The following TSHZ1 variants were observed in gnomAD, a reference collection of about 807,000 sequenced individuals.
TSHZ1 encodes teashirt homolog 1.
Under a neutral mutation model 67.1 loss-of-function variants are expected in TSHZ1, and 12 were observed. The ratio of observed to expected loss-of-function variants is 0.18; its 90% CI spans 0.11 to 0.29. The LOEUF is 0.29. Among genes scored for constraint, TSHZ1 ranks in the 10% least tolerant of loss-of-function variants. TSHZ1 has a pLI of 1.00. For missense variants in TSHZ1, 1,305 were observed against 1,413.9 expected, an observed-to-expected ratio of 0.92 and a Z score of 1.23; for synonymous variants, 632 against 622.4, an observed-to-expected ratio of 1.02 and a Z score of -0.23.
rs528039350 is a variant in TSHZ1 at position 75,248,944 on chromosome 18, C to A, written c.41-36504C>A. ...GTCACCCACCAGCAGCAGTACCAGG[C>A]GAGCCACCTCCGCGTGGGAGGAGGC... On this transcript the variant is annotated intron_variant, in intron 1 of 1. Transcript: ENST00000580243. Among the ~76,000 whole-genome samples the A allele has an allele frequency of 2.6e-5, 4 of 152,296 alleles. No individual in the cohort carries two copies. The South Asian group carries it at 8.3e-4, about 32-fold the overall frequency.
In TSHZ1 at chr18:75,288,675, A is replaced by T; in HGVS notation, c.*34A>T. 1 of 1,537,480 alleles carries T rather than the reference A, an allele frequency of 6.5e-7. No individual in the cohort carries two copies. Among genetic ancestry groups the T allele is most frequent in the South Asian group, 1.3e-5 (1 of 77,414 alleles). On this transcript the variant is annotated 3_prime_UTR_variant, in exon 2 of 2. Transcript: ENST00000580243. This position sits in a 1 kb window ranked among gnomAD's most constrained non-coding sequence, Gnocchi z 4.9. Reference sequence around the variant, plus strand: ...TATGCAAGAGACCGCGGAACATTGCACTAAACGTCGTCGAGCTGCACTAGG... The same window carrying T: ...TATGCAAGAGACCGCGGAACATTGCTCTAAACGTCGTCGAGCTGCACTAGG...
Position 75,288,818 on chromosome 18 carries a change from A to G in TSHZ1, c.*177A>G. On this transcript the variant is annotated 3_prime_UTR_variant, in exon 2 of 2. Transcript: ENST00000580243. This position sits in a 1 kb window ranked among gnomAD's most constrained non-coding sequence, Gnocchi z 4.9. ...GCTCTCTGTCCGATCTGTGCATGTT[A>G]TTTTTCTTTTTCCGTGAGTCAAAGT... The G allele has an allele frequency of 1.9e-6, 2 of 1,066,520 alleles. No homozygotes were observed. The highest frequency in any genetic ancestry group is 2.5e-6 in the Non-Finnish European group (2 of 797,206). The allele number at this position is 1,066,520 out of a possible 1,614,324, so 66.1% of individuals were successfully genotyped here.
chr18:75,279,481 C>T (rs1394422627), intron 1 of TSHZ1, among the ~76,000 whole-genome samples: 1 of 152,150 alleles, frequency 6.6e-6, no homozygotes, highest in Non-Finnish European at 1.5e-5. Flanking sequence ...GAGCCGCCGG[C>T]CCTCCTGTTT....
At chr18:75,240,973 G>A (rs1165202960) in intron 1 of TSHZ1, among the ~76,000 whole-genome samples, 2 of 152,196 alleles carry the variant, frequency 1.3e-5, no homozygotes, top group African/African-American at 2.4e-5. Context: ...TAGGAAGATG[G>A]AATCCACCTG....
intron 1 of TSHZ1, among the ~76,000 whole-genome samples, chr18:75,212,623 C>T (rs1471885083): frequency 6.6e-6 from 1 of 152,176 alleles, no homozygotes; most frequent in South Asian, 2.1e-4. Context: ...TCTATTCATT[C>T]CTGATAAACA....
chr18:75,255,223 CTG>C (rs1298474126), intron 1 of TSHZ1, among the ~76,000 whole-genome samples: 1 of 152,110 alleles, frequency 6.6e-6, no homozygotes, highest in Admixed American at 6.5e-5. Context: ...ATGACGCTCA[CTG>C]TGTTGTTTCA....
chr18:75,212,616 A>G (rs1035127680), intron 1 of TSHZ1, among the ~76,000 whole-genome samples: 4 of 152,166 alleles, frequency 2.6e-5, no homozygotes, highest in African/African-American at 4.8e-5. Context: ...CCTTTGATCT[A>G]TTCATTCCTG....
intron 1 of TSHZ1, among the ~76,000 whole-genome samples, chr18:75,267,999 A>G (rs921334717): frequency 6.6e-6 from 1 of 152,218 alleles, no homozygotes; most frequent in Non-Finnish European, 1.5e-5. Flanking sequence ...TGTCAGTCAA[A>G]TGCTCAGAAA....
Position 75,287,148 on chromosome 18 carries a change from G to A in TSHZ1, c.1741G>A (p.Ala581Thr), listed in dbSNP as rs1472704026. The change falls in exon 2 of 2, where the codon GCA becomes ACA. Residue 581 changes from alanine (A) to threonine (T), a missense_variant. Around this residue, in one of 3 missense-constraint regions of TSHZ1, gnomAD observed 909 missense variants for 961.8 expected, o/e 0.95. Transcript: ENST00000580243. The surrounding 1 kb of genome is among the most constrained non-coding windows in gnomAD (Gnocchi z 5.0). ...ATGGGGTGGCTACCCCAGCATCCATGCAGCCTACCAGCTCCCGGGCACCGT... is the reference window on the plus strand; with the variant it reads ...ATGGGGTGGCTACCCCAGCATCCATACAGCCTACCAGCTCCCGGGCACCGT... ...PSWGGYPSIHAAYQLPGTVKP... is the reference protein window; with the variant it reads ...PSWGGYPSIHTAYQLPGTVKP... The A allele has an allele frequency of 6.2e-7, 1 of 1,613,916 alleles. No homozygotes were observed. Among genetic ancestry groups the A allele is most frequent in the Non-Finnish European group, 8.5e-7 (1 of 1,180,010 alleles).
chr18:75,253,642 A>G (rs982028266), intron 1 of TSHZ1, among the ~76,000 whole-genome samples: 2 of 152,244 alleles, frequency 1.3e-5, no homozygotes, highest in African/African-American at 4.8e-5. Flanking sequence ...TAAAAAGTGA[A>G]ATCTTTTCAG....
intron 1 of TSHZ1, among the ~76,000 whole-genome samples, chr18:75,234,504 A>G (rs1286359164): frequency 6.6e-6 from 1 of 152,176 alleles, no homozygotes; most frequent in Non-Finnish European, 1.5e-5. Context: ...GTCATAATAA[A>G]CATAGTTCTG....
Position 75,211,374 on chromosome 18 carries a change from A to G in TSHZ1, c.-503A>G, listed in dbSNP as rs1022932291. 1 of 151,724 alleles carries G rather than the reference A, an allele frequency of 6.6e-6. No homozygotes were observed. Among genetic ancestry groups the G allele is most frequent in the Non-Finnish European group, 1.5e-5 (1 of 67,892 alleles). 9.4% of individuals were successfully genotyped at this position (151,724 alleles called of 1,614,324 possible). A position where few individuals can be genotyped will look rare whatever the true frequency, so the allele number is the denominator to read the frequency against. On this transcript the variant is annotated 5_prime_UTR_variant, in exon 1 of 2. Coordinates refer to ENST00000580243, the MANE Select transcript of TSHZ1 (RefSeq NM_001308210.2). ...GAAAGCTGCGACCCGCGCACTAAAA[A>G]CACTCGCCGCGACCCCCAAACAGCG... is the stretch of plus-strand genomic sequence containing the variant.
chr18:75,250,234 C>T lies in TSHZ1; in HGVS notation c.41-35214C>T, dbSNP rs2023281939. 2.0e-5 allele frequency among the ~76,000 whole-genome samples: 3 copies of T among 152,086 alleles called. No individual in the cohort carries two copies. In the South Asian group the frequency reaches 6.2e-4, roughly 32 times the overall value. ...CCCTGCTGTAGGTGAGTGGGGTGAC[C>T]TCCTGGCTGGCCCTGCCAGGCTCTT... On this transcript the variant is annotated intron_variant, in intron 1 of 1. Transcript: ENST00000580243.
chr18:75,251,730 A>G (rs1326245162), intron 1 of TSHZ1, among the ~76,000 whole-genome samples: 1 of 151,954 alleles, frequency 6.6e-6, no homozygotes, highest in Non-Finnish European at 1.5e-5. Context: ...ATTTTTCCAT[A>G]TGTTTTATGA....
Position 75,250,534 on chromosome 18 carries a change from G to T in TSHZ1, c.41-34914G>T, listed in dbSNP as rs991866692. ...GGTGCGGGCTGGCCCAGGGTCCGGG[G>T]TGCCTGCAGCGTGCTGGGCCAGCCA... On this transcript the variant is annotated intron_variant, in intron 1 of 1. Transcript: ENST00000580243. 2.6e-5 allele frequency among the ~76,000 whole-genome samples: 4 copies of T among 152,216 alleles called. No individual in the cohort carries two copies. The East Asian group carries it at 7.7e-4, about 29-fold the overall frequency.
intron 1 of TSHZ1, among the ~76,000 whole-genome samples, chr18:75,267,490 G>GGTGGGGCTGCA: frequency 6.6e-6 from 1 of 152,102 alleles, no homozygotes; most frequent in East Asian, 1.9e-4. Flanking sequence ...GTGGGGCTGC[G>GGTGGGGCTGCA]CCAGTGGGTC....
rs61732783 is a variant in TSHZ1, at chr18:75,287,814, T to G, written c.2407T>G (p.Tyr803Asp). 2.5e-6 allele frequency: 4 copies of G among 1,613,988 alleles called. No homozygotes were observed. The highest frequency in any genetic ancestry group is 3.4e-6 in the Non-Finnish European group (4 of 1,180,044). Residue 803 changes from tyrosine (Y) to aspartate (D), a missense_variant, in exon 2 of 2, where the codon TAT becomes GAT. Physicochemically the swap from Tyr to Asp is radical, Grantham distance 160 (BLOSUM62 -3). Transcript: ENST00000580243. The surrounding 1 kb of genome is among the most constrained non-coding windows in gnomAD (Gnocchi z 5.0). ...KQADAIDRYYYENSDQPIDLT... is the reference protein window; with the variant it reads ...KQADAIDRYYDENSDQPIDLT... ...GGCCGATGCCATCGACCGCTACTAT[T>G]ATGAAAACAGCGACCAGCCCATTGA...
rs757158510 is a variant in TSHZ1 at position 75,286,134 on chromosome 18, G to T, written c.727G>T (p.Ala243Ser). Residue 243 changes from alanine to serine, a missense_variant, in exon 2 of 2, where the codon GCC (alanine) becomes TCC (serine). This residue lies in a region of TSHZ1 where 358 missense variants were observed against 375.6 expected (regional missense o/e 0.95). Transcript: ENST00000580243. This position sits in a 1 kb window ranked among gnomAD's most constrained non-coding sequence, Gnocchi z 5.1. ...GCTCTACGGCTCCGTCTTCACGGGC[G>T]CCAGCAAGTTCCGGTGCAAAGACTG... ...NKLYGSVFTG[A>S]SKFRCKDCSA... 1.2e-6 allele frequency: 2 copies of T among 1,613,188 alleles called. No homozygotes were observed. Among genetic ancestry groups the T allele is most frequent in the South Asian group, 1.1e-5 (1 of 91,066 alleles).
At chr18:75,267,752 A>G (rs1300026956) in intron 1 of TSHZ1, among the ~76,000 whole-genome samples, 2 of 152,228 alleles carry the variant, frequency 1.3e-5, no homozygotes, top group Non-Finnish European at 2.9e-5. Context: ...AAGATGGTGA[A>G]TGTTTTGCAC....
Sources: allele counts gnomAD v4.1 joint callset (sites outside exome capture counted in the v4.1 genomes callset), GRCh38; gene constraint gnomAD v4.1.1; regional missense constraint gnomAD v4.1.1; non-coding constraint Gnocchi (gnomAD v3.1); transcripts MANE v1.5; gene names NCBI Gene and HGNC (gene_info 2026-07-23, HGNC 2026-07-21).